The following COL4A5 variants were observed in gnomAD, a reference collection of about 807,000 sequenced individuals.
The protein encoded by COL4A5 is collagen type IV alpha 5 chain.
A neutral mutation model predicts 130.2 loss-of-function variants in COL4A5; 26 were observed. The observed-to-expected ratio is 0.20, with a 90% confidence interval of 0.15 to 0.28. The LOEUF is 0.28. COL4A5 is among the 10% of genes least tolerant of loss of function. The pLI, the probability that COL4A5 is intolerant of heterozygous loss-of-function variation, is 1.00. For synonymous variants in COL4A5, 496 were observed against 439.6 expected, an observed-to-expected ratio of 1.13 and a Z score of -1.60; for missense variants, 1,131 against 1,344.3, an observed-to-expected ratio of 0.84 and a Z score of 2.48.
At chrX:108,512,441 A>G (rs929991673) in intron 1 of COL4A5, among the ~76,000 whole-genome samples, 9 of 112,570 alleles carry the variant, frequency 8.0e-5, no homozygotes, top group Non-Finnish European at 1.1e-4. Flanking sequence ...TCAGTATGCT[A>G]TTAATGAGAT....
At chrX:108,520,872 G>GAT (rs1428820488) in intron 1 of COL4A5, among the ~76,000 whole-genome samples, 2 of 111,424 alleles carry the variant, frequency 1.8e-5, no homozygotes, top group African/African-American at 6.5e-5. Flanking sequence ...ATTTAAAGAC[G>GAT]ATATAATGAA....
chrX:108,682,573 A>G lies in COL4A5; in HGVS notation c.4216+685A>G, dbSNP rs189762516. Among the ~76,000 whole-genome samples, 6 of 111,989 alleles carry G rather than the reference A, an allele frequency of 5.4e-5. No homozygotes were observed. The East Asian group carries it at 1.7e-3, about 32-fold the overall frequency. ...GCATCTGTTGTTTCCTGACTTTTTA[A>G]TGATCACCATTCTAACTGGTGTGAG... On this transcript the variant is annotated intron_variant, in intron 47 of 52. Coordinates refer to ENST00000328300, the MANE Select transcript of COL4A5 (RefSeq NM_033380.3).
chrX:108,634,604 G>A (rs752716365), intron 36 of COL4A5, among the ~76,000 whole-genome samples: 3 of 111,707 alleles, frequency 2.7e-5, no homozygotes, highest in Non-Finnish European at 5.7e-5. Flanking sequence ...GAAGAAGGGA[G>A]ACACTGTTCA....
chrX:108,600,298 C>T (rs1428179895), intron 25 of COL4A5, among the ~76,000 whole-genome samples: 1 of 111,651 alleles, frequency 9.0e-6, no homozygotes, highest in Non-Finnish European at 1.9e-5. Context: ...CATTTTTACT[C>T]TTTGTTTGGT....
At chrX:108,442,329 G>A (rs111622519) in intron 1 of COL4A5, among the ~76,000 whole-genome samples, 1 of 111,533 alleles carries the variant, frequency 9.0e-6, no homozygotes, top group Non-Finnish European at 1.9e-5. Context: ...TGCCAAATTG[G>A]TACATCACAA....
intron 46 of COL4A5, among the ~76,000 whole-genome samples, chrX:108,681,213 A>G (rs2068421299): frequency 9.0e-6 from 1 of 111,514 alleles, no homozygotes; most frequent in Non-Finnish European, 1.9e-5. Flanking sequence ...CTTCTATACT[A>G]ACTTCCCCAA....
Position 108,687,666 on chromosome X carries a change from A to G in COL4A5, c.4500A>G (p.Gly1500=), listed in dbSNP as rs145378707. The G allele has an allele frequency of 1.6e-3, 1,950 of 1,208,910 alleles. 25 individuals carry two copies. The African/African-American group carries it at 0.029, about 18-fold the overall frequency. Reference sequence around the variant, plus strand: ...GCTTTTCTCTCCTGTATGTACAAGGAAATAAAAGAGCCCACGGTCAAGACT... The same window carrying G: ...GCTTTTCTCTCCTGTATGTACAAGGGAATAAAAGAGCCCACGGTCAAGACT... ...YEGFSLLYVQ[G]NKRAHGQDLG... is the part of the protein sequence containing the mutation. Residue 1500 remains glycine, a synonymous_variant, in exon 49 of 53, where the codon GGA becomes GGG. Transcript: ENST00000328300.
chrX:108,588,041 C>T lies in COL4A5; in HGVS notation c.1165+1294C>T, dbSNP rs190552328. ...TTTGTTATACAATAAAATCTTAGAG[C>T]TCAATACTGAGTTTTATATTATTCC... On this transcript the variant is annotated intron_variant, in intron 19 of 52. Transcript: ENST00000328300. Among the ~76,000 whole-genome samples the T allele has an allele frequency of 5.3e-4, 59 of 110,795 alleles. 1 individual carries two copies. Among genetic ancestry groups the T allele is most frequent in the African/African-American group, 1.9e-3 (59 of 30,575 alleles).
rs1006269 is a variant in COL4A5, at chrX:108,622,665, A to G, written c.2768-11A>G. 149,596 of 1,207,751 alleles carry G rather than the reference A, an allele frequency of 0.12. 8,060 individuals carry two copies. Among genetic ancestry groups the G allele is most frequent in the East Asian group, 0.36 (12,024 of 33,683 alleles). ...ATTGATATATTGTGTTTTCACACAC[A>G]TTGATTTTAGGTGATGATGGCTTGC... On this transcript the variant is annotated splice_polypyrimidine_tract_variant and intron_variant, in intron 32 of 52. Transcript: ENST00000328300.
chrX:108,619,005 CTATAA>C (rs2066985944), intron 30 of COL4A5, among the ~76,000 whole-genome samples: 1 of 111,082 alleles, frequency 9.0e-6, no homozygotes, highest in African/African-American at 3.3e-5. Flanking sequence ...TCTTTGTGAG[CTATAA>C]TATAACAATA....
At chrX:108,675,864 T>C (rs1406014447) in intron 43 of COL4A5, among the ~76,000 whole-genome samples, 1 of 112,235 alleles carries the variant, frequency 8.9e-6, no homozygotes, top group African/African-American at 3.2e-5. Context: ...AAGTAATTTT[T>C]ACATTGTATC....
At chrX:108,578,213 T>C in intron 12 of COL4A5, 78 bp from the exon 13 acceptor site, 1 of 1,113,376 alleles carries the variant, frequency 9.0e-7, no homozygotes, top group Non-Finnish European at 1.2e-6. Flanking sequence ...TTCTTGAAGT[T>C]ATCTTATCTT....
intron 1 of COL4A5, among the ~76,000 whole-genome samples, chrX:108,532,069 T>C (rs980703146): frequency 2.7e-5 from 3 of 111,076 alleles, no homozygotes; most frequent in African/African-American, 9.8e-5. Context: ...GGTAGGAAAT[T>C]CTCCCTAATT....
intron 29 of COL4A5, among the ~76,000 whole-genome samples, chrX:108,614,265 G>C (rs746583676): frequency 2.7e-5 from 3 of 112,087 alleles, no homozygotes; most frequent in Non-Finnish European, 3.8e-5. Flanking sequence ...TAATTGGGAT[G>C]TGGGGACGAG....
intron 2 of COL4A5, among the ~76,000 whole-genome samples, chrX:108,543,705 G>A (rs1225739290): frequency 2.7e-5 from 3 of 111,747 alleles, no homozygotes; most frequent in Non-Finnish European, 3.8e-5. Context: ...GGGCAGTATG[G>A]CCATTTTCAC....
intron 36 of COL4A5, among the ~76,000 whole-genome samples, chrX:108,646,456 G>A (rs2147916528): frequency 9.0e-6 from 1 of 111,332 alleles, no homozygotes; most frequent in African/African-American, 3.3e-5. Context: ...ATTTGTTTGA[G>A]TTCATTGTAG....
chrX:108,647,797 T>C (rs1456962056), intron 36 of COL4A5, among the ~76,000 whole-genome samples: 1 of 111,721 alleles, frequency 9.0e-6, no homozygotes, highest in Non-Finnish European at 1.9e-5. Context: ...ATGAAGGTTG[T>C]TGAATTTTGT....
rs2066179972 is a variant in COL4A5 at position 108,577,933 on chromosome X, T to C, written c.610-19T>C. On this transcript the variant is annotated intron_variant, in intron 10 of 52. Coordinates refer to ENST00000328300, the MANE Select transcript of COL4A5 (RefSeq NM_033380.3). ...TATTAATATAACATTTTATTTTCTC[T>C]TTTGTCTTCTCTTCTTAGGGCCCTC... 1 of 1,172,831 alleles carries C rather than the reference T, an allele frequency of 8.5e-7. No individual in the cohort carries two copies. The highest frequency in any genetic ancestry group is 2.3e-5 in the Admixed American group (1 of 44,152).
chrX:108,606,491 C>T (rs1175497228), intron 28 of COL4A5, among the ~76,000 whole-genome samples: 1 of 109,460 alleles, frequency 9.1e-6, no homozygotes, highest in Non-Finnish European at 1.9e-5. Flanking sequence ...TAATCTCATG[C>T]TCTCTCAGTT....
Sources: allele counts gnomAD v4.1 joint callset (sites outside exome capture counted in the v4.1 genomes callset), GRCh38; gene constraint gnomAD v4.1.1; transcripts MANE v1.5; gene names NCBI Gene and HGNC (gene_info 2026-07-23, HGNC 2026-07-21).